ANO2: variants seen among roughly 807,000 people sequenced by gnomAD.
ANO2 encodes anoctamin-2.
ANO2 carries 101 observed loss-of-function variants against 124.2 expected under a neutral mutation model. The observed-to-expected ratio is 0.81, with a 90% CI of 0.69 to 0.96. The LOEUF is 0.96. Among genes scored for constraint, ANO2 ranks in the 40% least tolerant of loss-of-function variants. ANO2 has a pLI of 0.00. For missense variants in ANO2, 1,293 were observed against 1,274.5 expected, an observed-to-expected ratio of 1.01 and a Z score of -0.22; for synonymous variants, 486 against 482.5, an observed-to-expected ratio of 1.01 and a Z score of -0.09.
intron 7 of ANO2, among the ~76,000 whole-genome samples, chr12:5,823,386 G>C (rs1414545371): frequency 2.0e-5 from 3 of 152,160 alleles, no homozygotes; most frequent in East Asian, 1.9e-4. Flanking sequence ...CAGGTATTTG[G>C]TAAATACAGC....
At chr12:5,616,367 A>T (rs1016248278) in intron 16 of ANO2, among the ~76,000 whole-genome samples, 24 of 152,298 alleles carry the variant, frequency 1.6e-4, no homozygotes, top group African/African-American at 5.8e-4. Flanking sequence ...CCTCTTACAT[A>T]GGACTCTTTC....
intron 3 of ANO2, among the ~76,000 whole-genome samples, chr12:5,898,016 G>T (rs537706432): frequency 5.9e-5 from 9 of 152,148 alleles, no homozygotes; most frequent in Admixed American, 2.0e-4. Context: ...ACCAAGTATA[G>T]ATGAAGAATC....
Position 5,922,732 on chromosome 12 carries a change from T to G in ANO2, c.95A>C (p.Lys32Thr). The change falls in exon 2 of 25, where the codon AAA (lysine) becomes ACA (threonine). Residue 32 changes from lysine to threonine, a missense_variant. Physicochemically the swap from Lys to Thr is moderately conservative, Grantham distance 78. Transcript: ENST00000682330. ...CATCTTGAGACACTGCTGTCCATGT[T>G]TGGGGCCCTGGCCCCCTCTGGACCC... Reference protein sequence around the residue: ...QAGSRGGQGPKHGQQCLKMPG... With the variant: ...QAGSRGGQGPTHGQQCLKMPG... 6.2e-7 allele frequency: 1 copy of G among 1,601,026 alleles called. No homozygotes were observed. The highest frequency in any genetic ancestry group is 8.5e-7 in the Non-Finnish European group (1 of 1,174,854).
intron 16 of ANO2, among the ~76,000 whole-genome samples, chr12:5,624,248 G>C (rs1004182847): frequency 9.2e-5 from 14 of 152,218 alleles, no homozygotes; most frequent in Admixed American, 5.2e-4. Flanking sequence ...ACTGGAGAGA[G>C]AGAGAGAGAG....
Position 5,831,944 on chromosome 12 carries a change from A to C in ANO2, c.785+508T>G, listed in dbSNP as rs143529663. Among the ~76,000 whole-genome samples the C allele has an allele frequency of 5.5e-3, 840 of 152,156 alleles. 2 individuals are homozygous for C. The highest frequency in any genetic ancestry group is 0.01 in the Middle Eastern group (3 of 294). On this transcript the variant is annotated intron_variant, in intron 5 of 24. Transcript: ENST00000682330. ...TTTCCAAGTGGCTATCTCTGTGAAG[A>C]GCTTTTATTCACTCTTCCTAGGCAG...
At chr12:5,663,147 T>C (rs1182820249) in intron 14 of ANO2, among the ~76,000 whole-genome samples, 2 of 152,130 alleles carry the variant, frequency 1.3e-5, no homozygotes, top group East Asian at 3.9e-4. Context: ...CTGGGCCCAG[T>C]GCTCTCCGTG....
intron 23 of ANO2, among the ~76,000 whole-genome samples, chr12:5,566,515 TG>T (rs1941769917): frequency 6.6e-6 from 1 of 152,174 alleles, no homozygotes; most frequent in Non-Finnish European, 1.5e-5. Flanking sequence ...TGACCCTTCC[TG>T]GAACAGTTTT....
chr12:5,619,756 C>T (rs1945016955), intron 16 of ANO2, among the ~76,000 whole-genome samples: 1 of 152,212 alleles, frequency 6.6e-6, no homozygotes. Flanking sequence ...GGCTTAACTA[C>T]AATAGAAGCA....
At chr12:5,807,484 C>A in intron 7 of ANO2, 116 bp from the exon 8 acceptor site, 1 of 795,338 alleles carries the variant, frequency 1.3e-6, no homozygotes, top group Non-Finnish European at 2.0e-6. Context: ...TCACTGCATC[C>A]TCCTCTATAT....
intron 7 of ANO2, among the ~76,000 whole-genome samples, chr12:5,812,489 G>A (rs1474176484): frequency 1.0e-5 from 1 of 97,046 alleles, no homozygotes; most frequent in Admixed American, 1.3e-4. Flanking sequence ...AGGAAGGAAG[G>A]AAGGAAGAAA....
intron 19 of ANO2, among the ~76,000 whole-genome samples, chr12:5,601,752 AT>A (rs370976140): frequency 5.9e-5 from 9 of 152,368 alleles, no homozygotes; most frequent in African/African-American, 2.2e-4. Context: ...CAATGAATGA[AT>A]TTTAAAAAGT....
intron 10 of ANO2, among the ~76,000 whole-genome samples, chr12:5,760,917 C>T (rs1951722952): frequency 6.6e-6 from 1 of 152,116 alleles, no homozygotes; most frequent in South Asian, 2.1e-4. Flanking sequence ...AAGTTGACAG[C>T]CAGGAAATCA....
chr12:5,602,747 TG>T (rs1944004378), intron 19 of ANO2, among the ~76,000 whole-genome samples: 1 of 151,456 alleles, frequency 6.6e-6, no homozygotes, highest in African/African-American at 2.4e-5. Context: ...TTAGGAATAA[TG>T]GAAAGGATTC....
intron 14 of ANO2, among the ~76,000 whole-genome samples, chr12:5,659,424 C>T (rs1241497153): frequency 6.6e-6 from 1 of 152,134 alleles, no homozygotes; most frequent in Admixed American, 6.5e-5. Flanking sequence ...AGGTCCCACC[C>T]CTCAGCCCCG....
intron 3 of ANO2, among the ~76,000 whole-genome samples, chr12:5,877,936 A>C (rs1938221056): frequency 6.6e-6 from 1 of 152,202 alleles, no homozygotes; most frequent in Non-Finnish European, 1.5e-5. Context: ...GTAAATACAG[A>C]TGAAGCTTCA....
intron 7 of ANO2, among the ~76,000 whole-genome samples, chr12:5,816,398 G>A (rs765580468): frequency 6.6e-6 from 1 of 151,894 alleles, no homozygotes; most frequent in African/African-American, 2.4e-5. Flanking sequence ...TTCATGGGCA[G>A]AAGTCAACCC....
At chr12:5,697,372 C>T (rs1293480705) in intron 14 of ANO2, among the ~76,000 whole-genome samples, 1 of 151,986 alleles carries the variant, frequency 6.6e-6, no homozygotes, top group Non-Finnish European at 1.5e-5. Context: ...GTGGAACTTG[C>T]AGTGAGCCGA....
chr12:5,920,971 C>T, intron 3 of ANO2, 69 bp downstream of exon 3: 1 of 1,511,012 alleles, frequency 6.6e-7, no homozygotes. Context: ...TCAGGTGGCA[C>T]TGCTCACTAG....
chr12:5,834,586 A>G (rs1364683286), intron 4 of ANO2, among the ~76,000 whole-genome samples: 1 of 152,264 alleles, frequency 6.6e-6, no homozygotes, highest in Admixed American at 6.5e-5. Context: ...AATAATGATA[A>G]GTAAGGACAG....
Sources: gnomAD v4.1 joint callset for allele counts (sites outside exome capture counted in the v4.1 genomes callset) on GRCh38, gnomAD v4.1.1 for gene constraint, MANE v1.5 for transcripts, NCBI Gene and HGNC (gene_info 2026-07-23, HGNC 2026-07-21) for gene names.